The following KIRREL1 variants were observed in gnomAD, a reference collection of about 807,000 sequenced individuals.
The protein encoded by KIRREL1 is kirre like nephrin family adhesion molecule 1.
A neutral mutation model predicts 83.3 loss-of-function variants in KIRREL1; 25 were observed. That is an observed-to-expected ratio of 0.30 (90% CI 0.22 to 0.42). The LOEUF (loss-of-function observed/expected upper bound fraction) is 0.42. KIRREL1 is among the 10% of genes least tolerant of loss of function. KIRREL1 has a pLI of 1.00. For missense variants in KIRREL1, 812 were observed against 1,032.3 expected, an observed-to-expected ratio of 0.79 and a Z score of 2.92; for synonymous variants, 388 against 410.4, an observed-to-expected ratio of 0.95 and a Z score of 0.66.
chr1:157,997,033 T>C, intron 1 of KIRREL1, among the ~76,000 whole-genome samples: 1 of 152,244 alleles, frequency 6.6e-6, no homozygotes, highest in Non-Finnish European at 1.5e-5. Flanking sequence ...AGGACCTCTT[T>C]ACACCCTTAC....
Position 158,095,208 on chromosome 1 carries a change from C to A in KIRREL1, c.*88C>A. 1.0e-6 allele frequency: 1 copy of A among 989,612 alleles called. No homozygotes were observed. Among genetic ancestry groups the A allele is most frequent in the Non-Finnish European group, 1.5e-6 (1 of 681,522 alleles). 61.3% of individuals were successfully genotyped at this position (989,612 alleles called of 1,614,324 possible). A position where few individuals can be genotyped will look rare whatever the true frequency, so the allele number is the denominator to read the frequency against. ...TGATATTCAGGGGCATTGCTCATTG[C>A]TCCCTTCTCGGACCAGCCTTCTTCC... is the stretch of plus-strand genomic sequence containing the variant. On this transcript the variant is annotated 3_prime_UTR_variant, in exon 15 of 15. Transcript: ENST00000359209.
chr1:158,076,089 C>G (rs181320133), intron 1 of KIRREL1, 24 bp from the exon 2 acceptor site: 8 of 1,610,102 alleles, frequency 5.0e-6, no homozygotes, highest in Non-Finnish European at 6.8e-6. Context: ...CTCATCTTAC[C>G]CAGTGCTGGC....
In KIRREL1 at chr1:158,087,854, G is replaced by A. The variant is rs1183526076; in HGVS notation, c.761G>A (p.Gly254Asp). 1 of 1,613,738 alleles carries A rather than the reference G, an allele frequency of 6.2e-7. No individual in the cohort carries two copies. The highest frequency in any genetic ancestry group is 8.5e-7 in the Non-Finnish European group (1 of 1,179,816). Reference sequence around the variant, plus strand: ...GCCACAGCCAACCCCGAGATCTTGGGCTACAGGTGAGGGGGTCAGAGGCTG... The same window carrying A: ...GCCACAGCCAACCCCGAGATCTTGGACTACAGGTGAGGGGGTCAGAGGCTG... ...CQATANPEILGYRWAKGGFLI... is the reference protein window; with the variant it reads ...CQATANPEILDYRWAKGGFLI... Residue 254 changes from glycine to aspartate, a missense_variant, in exon 6 of 15, where the codon GGC becomes GAC. This residue lies in a region of KIRREL1 where 472 missense variants were observed against 626.8 expected (regional missense o/e 0.75). Coordinates refer to ENST00000359209, the MANE Select transcript of KIRREL1 (RefSeq NM_018240.7).
chr1:158,076,051 G>A (rs1661671887), intron 1 of KIRREL1, 62 bp from the exon 2 acceptor site: 3 of 1,486,966 alleles, frequency 2.0e-6, no homozygotes, highest in East Asian at 2.4e-5. Flanking sequence ...ATGGTGAGGG[G>A]GACCTCTTAG....
At chr1:158,064,438 A>C (rs1271587795) in intron 1 of KIRREL1, among the ~76,000 whole-genome samples, 3 of 152,178 alleles carry the variant, frequency 2.0e-5, no homozygotes, top group Non-Finnish European at 2.9e-5. Flanking sequence ...CAAATTGATT[A>C]TTTGATGGGT....
chr1:158,061,550 C>T (rs1661215845), intron 1 of KIRREL1, among the ~76,000 whole-genome samples: 1 of 152,212 alleles, frequency 6.6e-6, no homozygotes, highest in Non-Finnish European at 1.5e-5. Context: ...CATCCAGCTC[C>T]TCTCTAGGCA....
intron 8 of KIRREL1, among the ~76,000 whole-genome samples, chr1:158,088,960 G>T (rs1453045624): frequency 6.6e-6 from 1 of 152,058 alleles, no homozygotes; most frequent in Admixed American, 6.6e-5. Context: ...GAAGCACTGG[G>T]GGGACAAACT....
chr1:158,093,796 T>A (rs758309759), intron 13 of KIRREL1, 34 bp downstream of exon 13: 1 of 1,611,162 alleles, frequency 6.2e-7, no homozygotes, highest in South Asian at 1.1e-5. Flanking sequence ...CCTCCTGCCT[T>A]CTCCACCCTC....
At position 158,088,112 on chromosome 1, in the gene KIRREL1, A is replaced by G. The variant is rs779331536; in HGVS notation, c.874A>G (p.Lys292Glu). Reference sequence around the variant, plus strand: ...GCCTGTGTCTTGTGAGGTTCACAACAAAGTGGGAAGCACCAATGTCAGCAC... The same window carrying G: ...GCCTGTGTCTTGTGAGGTTCACAACGAAGTGGGAAGCACCAATGTCAGCAC... ...TEPVSCEVHN[K>E]VGSTNVSTLV... The change falls in exon 7 of 15, where the codon AAA becomes GAA. Residue 292 changes from lysine to glutamate, a missense_variant. Coordinates refer to ENST00000359209, the MANE Select transcript of KIRREL1 (RefSeq NM_018240.7). The G allele has an allele frequency of 2.5e-6, 4 of 1,614,106 alleles. No individual in the cohort carries two copies. In the African/African-American group the frequency reaches 5.3e-5, roughly 22 times the overall value.
chr1:158,071,717 G>A (rs1661520245), intron 1 of KIRREL1, among the ~76,000 whole-genome samples: 1 of 152,114 alleles, frequency 6.6e-6, no homozygotes, highest in African/African-American at 2.4e-5. Context: ...CCTGGAAGGG[G>A]GCGCAGGCAT....
At chr1:158,055,015 C>CT (rs1661013887) in intron 1 of KIRREL1, among the ~76,000 whole-genome samples, 1 of 152,064 alleles carries the variant, frequency 6.6e-6, no homozygotes, top group Non-Finnish European at 1.5e-5. Context: ...TTGCTTCTTC[C>CT]TTTTTTGGGC....
intron 1 of KIRREL1, among the ~76,000 whole-genome samples, chr1:158,075,469 G>T (rs1438058478): frequency 6.6e-6 from 1 of 152,232 alleles, no homozygotes; most frequent in Non-Finnish European, 1.5e-5. Flanking sequence ...CATGTGCCAA[G>T]AAGTGGGTTC....
At chr1:158,042,876 A>G (rs1184593080) in intron 1 of KIRREL1, among the ~76,000 whole-genome samples, 1 of 148,944 alleles carries the variant, frequency 6.7e-6, no homozygotes, top group East Asian at 2.0e-4. Context: ...GATCGAGACC[A>G]TCCTGGCTAA....
chr1:158,066,077 CATCAGTGCAGG>C (rs1266165760), intron 1 of KIRREL1, among the ~76,000 whole-genome samples: 1 of 151,960 alleles, frequency 6.6e-6, no homozygotes, highest in Non-Finnish European at 1.5e-5. Flanking sequence ...CTTGCCCCAC[CATCAGTGCAGG>C]AAGAGTAGGC....
chr1:158,086,849 A>G lies in KIRREL1; in HGVS notation c.661+103A>G, dbSNP rs900310046. The G allele has an allele frequency of 1.8e-5, 20 of 1,102,414 alleles. 1 individual carries two copies. The highest frequency in any genetic ancestry group is 2.8e-4 in the Middle Eastern group (1 of 3,630). 68.3% of individuals were successfully genotyped at this position (1,102,414 alleles called of 1,614,324 possible). On this transcript the variant is annotated intron_variant, in intron 5 of 14. Coordinates refer to ENST00000359209, the MANE Select transcript of KIRREL1 (RefSeq NM_018240.7). ...AGAAACACAAACTAAGAGTCCCCCT[A>G]TGGTCCCCAGGACAAACGCTTGCCT... is the stretch of plus-strand genomic sequence containing the variant.
At chr1:158,028,254 G>A (rs1385096287) in intron 1 of KIRREL1, among the ~76,000 whole-genome samples, 1 of 152,236 alleles carries the variant, frequency 6.6e-6, no homozygotes, top group East Asian at 1.9e-4. Context: ...CGCAGGGGCT[G>A]TTGGGCACCT....
intron 1 of KIRREL1, among the ~76,000 whole-genome samples, chr1:158,069,332 GTGTGTGT>G (rs1207584047): frequency 2.6e-5 from 4 of 151,830 alleles, no homozygotes; most frequent in African/African-American, 9.7e-5. Context: ...GTGTGTGTGT[GTGTGTGT>G]GTGTGAATCT....
rs184650790 is a variant in KIRREL1 at position 158,044,875 on chromosome 1, A to C, written c.53-31238A>C. Reference sequence around the variant, plus strand: ...AGAGAGGGACAATAAGCTAATTAATAGGTAAAATATTAGTTAGTTGGATAT... The same window carrying C: ...AGAGAGGGACAATAAGCTAATTAATCGGTAAAATATTAGTTAGTTGGATAT... On this transcript the variant is annotated intron_variant, in intron 1 of 14. Transcript: ENST00000359209. Among the ~76,000 whole-genome samples the C allele has an allele frequency of 7.5e-4, 115 of 152,344 alleles. No individual in the cohort carries two copies. In the Middle Eastern group the frequency reaches 0.024, roughly 32 times the overall value.
At position 158,087,829 on chromosome 1, in the gene KIRREL1, G is replaced by T; in HGVS notation, c.736G>T (p.Ala246Ser). ...TGAGCGTGTTGTCTTTACCTGCCAG[G>T]CCACAGCCAACCCCGAGATCTTGGG... ...EGERVVFTCQ[A>S]TANPEILGYR... The change falls in exon 6 of 15, where the codon GCC becomes TCC. Residue 246 changes from alanine (A) to serine (S), a missense_variant. By Grantham distance (99) the Ala-to-Ser change is moderately conservative (BLOSUM62 1). This residue lies in a region of KIRREL1 where 472 missense variants were observed against 626.8 expected (regional missense o/e 0.75). Transcript: ENST00000359209. 1 of 1,614,038 alleles carries T rather than the reference G, an allele frequency of 6.2e-7. No homozygotes were observed. The highest frequency in any genetic ancestry group is 8.5e-7 in the Non-Finnish European group (1 of 1,179,974).
Sources: allele counts gnomAD v4.1 joint callset (sites outside exome capture counted in the v4.1 genomes callset), GRCh38; gene constraint gnomAD v4.1.1; regional missense constraint gnomAD v4.1.1; transcripts MANE v1.5; gene names NCBI Gene and HGNC (gene_info 2026-07-23, HGNC 2026-07-21).